Variants in NPY2R observed in about 807,000 individuals in gnomAD.
The protein encoded by NPY2R is neuropeptide Y receptor Y2, also known as neuropeptide Y receptor type 2.
Under a neutral mutation model 22.3 loss-of-function variants are expected in NPY2R, and 17 were observed. The observed-to-expected ratio is 0.76, with a 90% CI of 0.52 to 1.14. The LOEUF (loss-of-function observed/expected upper bound fraction) is 1.14, where lower values mean the gene tolerates loss of function less well. Among genes scored for constraint, NPY2R ranks in the 50% most tolerant of loss-of-function variants. The pLI is 0.00. For missense variants in NPY2R, 424 were observed against 467.9 expected (o/e 0.91, Z 0.87); for synonymous variants, 209 against 183.4 (o/e 1.14, Z -1.13).
the NPY2R span, among the ~76,000 whole-genome samples, chr4:155,178,316 A>G: frequency 1.3e-5 from 2 of 152,166 alleles, no homozygotes; most frequent in African/African-American, 4.8e-5. Context: ...AGGCAGCAAA[A>G]TGTGGCAGTA....
chr4:155,187,554 G>C, the NPY2R span, among the ~76,000 whole-genome samples: 18 of 149,546 alleles, frequency 1.2e-4, no homozygotes, highest in African/African-American at 4.4e-4. Flanking sequence ...AGCAGCGTGA[G>C]AGAGAGAGAG....
the NPY2R span, among the ~76,000 whole-genome samples, chr4:155,185,330 G>T: frequency 6.6e-6 from 1 of 151,992 alleles, no homozygotes; most frequent in Non-Finnish European, 1.5e-5. Flanking sequence ...GAGCCACCGC[G>T]CCCAGCCAAC....
At chr4:155,184,670 GT>G in the NPY2R span, among the ~76,000 whole-genome samples, 1 of 151,446 alleles carries the variant, frequency 6.6e-6, no homozygotes, top group South Asian at 2.1e-4. Context: ...ACCAAGTACA[GT>G]CATTATTTCT....
rs201188890 is a variant in NPY2R, at chr4:155,214,075, C to T, written c.136C>T (p.Leu46=). The T allele has an allele frequency of 6.2e-7, 1 of 1,613,982 alleles. No homozygotes were observed. The highest frequency in any genetic ancestry group is 8.5e-7 in the Non-Finnish European group (1 of 1,179,862). The part of the protein sequence containing the change: ...PEPELIDSTK[L]IEVQVVLILA... Reference sequence around the variant, plus strand: ...GCCAGAGCTTATAGATAGTACCAAGCTGATTGAGGTACAAGTTGTTCTCAT... The same window carrying T: ...GCCAGAGCTTATAGATAGTACCAAGTTGATTGAGGTACAAGTTGTTCTCAT... The change falls in exon 2 of 2, where the codon CTG becomes TTG. Residue 46 remains leucine, a synonymous_variant. Coordinates refer to ENST00000329476, the MANE Select transcript of NPY2R (RefSeq NM_000910.4).
At chr4:155,213,733 GT>G (rs957036171) in intron 1 of NPY2R, among the ~76,000 whole-genome samples, 158 bp from the exon 2 acceptor site, 5 of 152,140 alleles carry the variant, frequency 3.3e-5, no homozygotes, top group Non-Finnish European at 2.9e-5. Context: ...TCATTAAAAT[GT>G]TTTGCTATGC....
At chr4:155,196,732 G>A in the NPY2R span, among the ~76,000 whole-genome samples, 1 of 152,010 alleles carries the variant, frequency 6.6e-6, no homozygotes, top group South Asian at 2.1e-4. Context: ...ATCACATGTG[G>A]CCCTGTGAGT....
the NPY2R span, among the ~76,000 whole-genome samples, chr4:155,195,831 T>C: frequency 2.6e-5 from 4 of 151,920 alleles, no homozygotes; most frequent in African/African-American, 9.7e-5. Flanking sequence ...AAAACTGCCA[T>C]GAAATACAAG....
chr4:155,189,975 T>C, the NPY2R span, among the ~76,000 whole-genome samples: 5 of 152,032 alleles, frequency 3.3e-5, no homozygotes, highest in Non-Finnish European at 7.4e-5. Context: ...TATCAAATTA[T>C]ACATTTGAAC....
the NPY2R span, among the ~76,000 whole-genome samples, chr4:155,174,484 A>ATTTTTTTT: frequency 2.8e-5 from 3 of 106,066 alleles, no homozygotes; most frequent in African/African-American, 1.4e-4. Context: ...ATATATATAT[A>ATTTTTTTT]TTTTTTTTTT....
chr4:155,194,322 T>G, the NPY2R span, among the ~76,000 whole-genome samples: 1 of 151,896 alleles, frequency 6.6e-6, no homozygotes, highest in African/African-American at 2.4e-5. Flanking sequence ...TGCTGGGGTT[T>G]GGTGTACCAA....
chr4:155,213,486 G>T (rs1729446363), intron 1 of NPY2R, among the ~76,000 whole-genome samples: 1 of 152,072 alleles, frequency 6.6e-6, no homozygotes, highest in Non-Finnish European at 1.5e-5. Flanking sequence ...TCAAGATAAT[G>T]AAGGAAACTT....
At chr4:155,201,525 ACC>A in the NPY2R span, among the ~76,000 whole-genome samples, 1 of 152,058 alleles carries the variant, frequency 6.6e-6, no homozygotes, top group African/African-American at 2.4e-5. Flanking sequence ...TGAACTTCTG[ACC>A]CACAAAGAGC....
the NPY2R span, among the ~76,000 whole-genome samples, chr4:155,183,984 C>T: frequency 0.47 from 71,126 of 152,052 alleles, 17,363 homozygotes; most frequent in East Asian, 0.69. Context: ...CCTCTCTTAC[C>T]TACAAATGTG....
chr4:155,212,496 A>G (rs904472364), intron 1 of NPY2R, among the ~76,000 whole-genome samples: 1 of 152,202 alleles, frequency 6.6e-6, no homozygotes, highest in Admixed American at 6.5e-5. Context: ...TCACCCGGCA[A>G]AAACCCTAGT....
the NPY2R span, among the ~76,000 whole-genome samples, chr4:155,186,861 G>T: frequency 5.9e-5 from 9 of 152,104 alleles, no homozygotes; most frequent in Non-Finnish European, 1.2e-4. Context: ...TACCTGGACT[G>T]TATAAACTTG....
At position 155,216,986 on chromosome 4, in the gene NPY2R, A is replaced by C. The variant is rs916234235; in HGVS notation, c.*1901A>C. 6.0e-6 allele frequency: 1 copy of C among 166,986 alleles called. No homozygotes were observed. Among genetic ancestry groups the C allele is most frequent in the Non-Finnish European group, 1.5e-5 (1 of 68,124 alleles). 10.3% of individuals were successfully genotyped at this position (166,986 alleles called of 1,614,324 possible). A position where few individuals can be genotyped will look rare whatever the true frequency, so the allele number is the denominator to read the frequency against. ...GAATCCAATTAATGATTCAATTAAC[A>C]TATATCTTATCCAATTCATTATGTC... On this transcript the variant is annotated 3_prime_UTR_variant, in exon 2 of 2. Transcript: ENST00000329476.
At chr4:155,202,842 T>G in the NPY2R span, among the ~76,000 whole-genome samples, 1 of 152,264 alleles carries the variant, frequency 6.6e-6, no homozygotes, top group Non-Finnish European at 1.5e-5. Flanking sequence ...GGATAAACAC[T>G]TATTAAATAA....
the NPY2R span, among the ~76,000 whole-genome samples, chr4:155,188,381 C>T: frequency 6.6e-6 from 1 of 152,066 alleles, no homozygotes; most frequent in African/African-American, 2.4e-5. Flanking sequence ...TCAGTGTTTT[C>T]AAACTTGTGT....
At chr4:155,195,115 C>A in the NPY2R span, among the ~76,000 whole-genome samples, 2 of 151,922 alleles carry the variant, frequency 1.3e-5, no homozygotes, top group South Asian at 4.1e-4. Context: ...ATAATTTTAT[C>A]AGTGTAAACT....
Sources: gnomAD v4.1 joint callset for allele counts (sites outside exome capture counted in the v4.1 genomes callset) on GRCh38, gnomAD v4.1.1 for gene constraint, MANE v1.5 for transcripts, NCBI Gene and HGNC (gene_info 2026-07-23, HGNC 2026-07-21) for gene names.